Variants in HS3ST4 observed in about 807,000 individuals in gnomAD.
The protein encoded by HS3ST4 is heparan sulfate-glucosamine 3-sulfotransferase 4, also known as heparan sulfate glucosamine 3-O-sulfotransferase 4.
A neutral mutation model predicts 29.2 loss-of-function variants in HS3ST4; 17 were observed. The ratio of observed to expected loss-of-function variants is 0.58; its 90% confidence interval spans 0.40 to 0.87. The LOEUF (loss-of-function observed/expected upper bound fraction) is 0.87, where lower values mean the gene tolerates loss of function less well. Ranked by LOEUF, HS3ST4 falls within the 40% of genes least tolerant of loss-of-function variation. The pLI is 0.00. For missense variants in HS3ST4, 627 were observed against 634.5 expected, an observed-to-expected ratio of 0.99 and a Z score of 0.13; for synonymous variants, 314 against 285.7, an observed-to-expected ratio of 1.10 and a Z score of -1.00.
chr16:25,842,854 C>T (rs116098610), intron 1 of HS3ST4, among the ~76,000 whole-genome samples: 173 of 152,254 alleles, frequency 1.1e-3, no homozygotes, highest in African/African-American at 3.8e-3. Context: ...GTTATTTTGA[C>T]TCTCAAAAAC....
intron 1 of HS3ST4, among the ~76,000 whole-genome samples, chr16:25,736,752 A>G (rs1464230664): frequency 4.6e-5 from 7 of 152,050 alleles, no homozygotes; most frequent in Non-Finnish European, 8.8e-5. Context: ...TCCCCATACT[A>G]TCATTCATTG....
intron 1 of HS3ST4, among the ~76,000 whole-genome samples, chr16:25,703,611 A>G (rs1268969407): frequency 6.6e-6 from 1 of 152,250 alleles, no homozygotes; most frequent in Non-Finnish European, 1.5e-5. Flanking sequence ...GGAGTAAATA[A>G]TAAGCTTCAG....
chr16:25,827,992 A>G (rs1967237507), intron 1 of HS3ST4, among the ~76,000 whole-genome samples: 2 of 151,796 alleles, frequency 1.3e-5, no homozygotes, highest in Non-Finnish European at 2.9e-5. Flanking sequence ...TTTTTTTTTA[A>G]CTTCTATTTT....
At chr16:25,739,679 G>A (rs988846851) in intron 1 of HS3ST4, among the ~76,000 whole-genome samples, 2 of 151,346 alleles carry the variant, frequency 1.3e-5, no homozygotes, top group African/African-American at 2.4e-5. Flanking sequence ...CCTGAAAAGT[G>A]CTTCACAGAG....
chr16:25,857,934 T>TTCTTTCTTTCTA (rs1967595409), intron 1 of HS3ST4, among the ~76,000 whole-genome samples: 1 of 51,454 alleles, frequency 1.9e-5, no homozygotes, highest in African/African-American at 1.1e-4. Context: ...CTTTCTTTCT[T>TTCTTTCTTTCTA]TCTTTCTTTC....
At chr16:25,817,010 AC>A (rs1174339498) in intron 1 of HS3ST4, among the ~76,000 whole-genome samples, 2 of 152,222 alleles carry the variant, frequency 1.3e-5, no homozygotes, top group African/African-American at 2.4e-5. Flanking sequence ...CAATACTGGC[AC>A]ATTGGGAATT....
At chr16:25,869,752 G>T (rs1320163189) in intron 1 of HS3ST4, among the ~76,000 whole-genome samples, 2 of 152,178 alleles carry the variant, frequency 1.3e-5, no homozygotes, top group Non-Finnish European at 1.5e-5. Flanking sequence ...GGAAAAGTAA[G>T]ACACAGAATA....
At chr16:25,747,952 T>G (rs1038202030) in intron 1 of HS3ST4, among the ~76,000 whole-genome samples, 11 of 152,200 alleles carry the variant, frequency 7.2e-5, no homozygotes, top group Non-Finnish European at 1.2e-4. Flanking sequence ...CAATTGCACC[T>G]GTGAAAGGGA....
At chr16:25,787,661 A>G (rs780295975) in intron 1 of HS3ST4, among the ~76,000 whole-genome samples, 5 of 152,252 alleles carry the variant, frequency 3.3e-5, no homozygotes, top group Non-Finnish European at 7.3e-5. Flanking sequence ...AGAGGAAGCC[A>G]GGCCTGAAGG....
chr16:25,855,750 T>A (rs1170517711), intron 1 of HS3ST4, among the ~76,000 whole-genome samples: 1 of 152,190 alleles, frequency 6.6e-6, no homozygotes, highest in Non-Finnish European at 1.5e-5. Flanking sequence ...TGTTTGTGTG[T>A]GTATGTTTAG....
At chr16:26,052,757 T>C (rs947646093) in intron 1 of HS3ST4, among the ~76,000 whole-genome samples, 3 of 152,232 alleles carry the variant, frequency 2.0e-5, no homozygotes, top group Non-Finnish European at 4.4e-5. Context: ...CCAAGGGCTT[T>C]GCCCTCAACA....
chr16:25,801,278 A>G (rs1269712651), intron 1 of HS3ST4, among the ~76,000 whole-genome samples: 4 of 152,186 alleles, frequency 2.6e-5, no homozygotes, highest in Non-Finnish European at 4.4e-5. Flanking sequence ...TATGCAACAT[A>G]GTGCATGACA....
chr16:25,843,172 C>T (rs1967433037), intron 1 of HS3ST4, among the ~76,000 whole-genome samples: 2 of 152,228 alleles, frequency 1.3e-5, no homozygotes, highest in South Asian at 4.1e-4. Context: ...TATTATTTTT[C>T]ACAGTTGTGT....
intron 1 of HS3ST4, among the ~76,000 whole-genome samples, chr16:25,820,646 G>A (rs2141633306): frequency 6.6e-6 from 1 of 151,784 alleles, no homozygotes; most frequent in South Asian, 2.1e-4. Context: ...TGTTGCCGAG[G>A]CTGGTTTCAA....
Position 26,114,553 on chromosome 16 carries a change from A to G in HS3ST4, c.735-21059A>G, listed in dbSNP as rs560710063. On this transcript the variant is annotated intron_variant, in intron 1 of 1. Transcript: ENST00000331351. ...GGTCTAGCAGGGAAGGAAGAAAAAT[A>G]CATATGTGCCATATGGTGTGACGGG... is the stretch of plus-strand genomic sequence containing the variant. Among the ~76,000 whole-genome samples the G allele has an allele frequency of 5.3e-5, 8 of 152,300 alleles. No individual in the cohort carries two copies. In the South Asian group the frequency reaches 1.7e-3, roughly 32 times the overall value.
At chr16:25,886,033 T>TTTG (rs1555470739) in intron 1 of HS3ST4, among the ~76,000 whole-genome samples, 1 of 138,032 alleles carries the variant, frequency 7.2e-6, no homozygotes, top group African/African-American at 2.7e-5. Flanking sequence ...TGTGGTTTTT[T>TTTG]TTTTTTTTTT....
In HS3ST4 at chr16:25,719,103, T is replaced by A. The variant is rs78957461; in HGVS notation, c.734+25952T>A. 5.5e-3 allele frequency among the ~76,000 whole-genome samples: 832 copies of A among 151,688 alleles called. 15 individuals are homozygous for A. The highest frequency in any genetic ancestry group is 0.019 in the African/African-American group (793 of 41,530). On this transcript the variant is annotated intron_variant, in intron 1 of 1. Transcript: ENST00000331351. ...AGATGTAGCTGGAGAAAGAGTTGAC[T>A]TTTTAAAGATATGTCTTAACATCGT... is the stretch of plus-strand genomic sequence containing the variant.
chr16:25,753,698 A>G (rs1486922124), intron 1 of HS3ST4, among the ~76,000 whole-genome samples: 1 of 152,200 alleles, frequency 6.6e-6, no homozygotes, highest in Non-Finnish European at 1.5e-5. Flanking sequence ...ATGGTAACAT[A>G]CAGTTTCCTG....
At chr16:25,914,872 T>A (rs975427994) in intron 1 of HS3ST4, among the ~76,000 whole-genome samples, 1 of 151,868 alleles carries the variant, frequency 6.6e-6, no homozygotes. Flanking sequence ...TTTGGAAAGA[T>A]CATTTTATTG....
Sources: gnomAD v4.1 joint callset for allele counts (sites outside exome capture counted in the v4.1 genomes callset) on GRCh38, gnomAD v4.1.1 for gene constraint, MANE v1.5 for transcripts, NCBI Gene and HGNC (gene_info 2026-07-23, HGNC 2026-07-21) for gene names.